PYROXD2: variants seen among roughly 807,000 people sequenced by gnomAD.
PYROXD2 encodes pyridine nucleotide-disulfide oxidoreductase domain-containing protein 2.
In PYROXD2, 69 loss-of-function variants were observed where a neutral mutation model predicts 71.1. The ratio of observed to expected loss-of-function variants is 0.97; its 90% CI spans 0.80 to 1.19. PYROXD2 has a LOEUF of 1.19. Ranked by LOEUF, PYROXD2 falls within the 50% of genes most tolerant of loss-of-function variation. PYROXD2 has a pLI of 0.00. For synonymous variants in PYROXD2, 287 were observed against 302.7 expected, an observed-to-expected ratio of 0.95 and a Z score of 0.54; for missense variants, 745 against 748.9, an observed-to-expected ratio of 0.99 and a Z score of 0.06.
rs767510202 is a variant in PYROXD2, at chr10:98,395,460, A to G, written c.626-8T>C. 1.9e-6 allele frequency: 3 copies of G among 1,613,794 alleles called. No homozygotes were observed. Among genetic ancestry groups the G allele is most frequent in the Non-Finnish European group, 2.5e-6 (3 of 1,179,674 alleles). On this transcript the variant is annotated splice_region_variant and splice_polypyrimidine_tract_variant and intron_variant, in intron 6 of 15. Coordinates refer to ENST00000370575, the MANE Select transcript of PYROXD2 (RefSeq NM_032709.3). ...GGGCTCCCAGGATGCGGCCTACAAG[A>G]GAAGATCCACAAAACAGAAGTTGAA...
intron 2 of PYROXD2, among the ~76,000 whole-genome samples, chr10:98,409,818 C>A (rs555927464): frequency 2.6e-5 from 4 of 152,306 alleles, no homozygotes; most frequent in South Asian, 4.2e-4. Flanking sequence ...TGGTTCACGC[C>A]TGTAATCTCA....
intron 6 of PYROXD2, among the ~76,000 whole-genome samples, chr10:98,395,985 G>A (rs1843158416): frequency 6.6e-6 from 1 of 152,154 alleles, no homozygotes; most frequent in Non-Finnish European, 1.5e-5. Flanking sequence ...CTTAGTGTCT[G>A]ACACATAGTA....
At chr10:98,413,185 G>C (rs1181834259) in intron 1 of PYROXD2, among the ~76,000 whole-genome samples, 1 of 152,050 alleles carries the variant, frequency 6.6e-6, no homozygotes, top group Non-Finnish European at 1.5e-5. Context: ...ACCTCATCTT[G>C]GTAACAGAAA....
chr10:98,395,241 T>A lies in PYROXD2; in HGVS notation c.740A>T (p.Asp247Val), dbSNP rs1843123609. 1 of 1,614,082 alleles carries A rather than the reference T, an allele frequency of 6.2e-7. No homozygotes were observed. The highest frequency in any genetic ancestry group is 1.3e-5 in the African/African-American group (1 of 74,924). The change falls in exon 8 of 16, where the codon GAT becomes GTT. Residue 247 changes from aspartate to valine, a missense_variant. Coordinates refer to ENST00000370575, the MANE Select transcript of PYROXD2 (RefSeq NM_032709.3). ...SEPLKATLAT[D>V]AVIGAMTSPH... The stretch of plus-strand genomic sequence containing the variant: ...ACTTGTCATGGCTCCAATCACTGCA[T>A]CTGTGGCTAGAGTGGCTTTTAAAGG...
At chr10:98,400,339 G>T in intron 4 of PYROXD2, 82 bp from the exon 5 acceptor site, 2 of 1,351,836 alleles carry the variant, frequency 1.5e-6, no homozygotes, top group South Asian at 1.4e-5. Flanking sequence ...GTGTTTGTGT[G>T]ACCATTTAGG....
At chr10:98,414,738 T>G (rs1302699854) in intron 1 of PYROXD2, 1 of 424,284 alleles carries the variant, frequency 2.4e-6, no homozygotes, top group Non-Finnish European at 4.2e-6. Flanking sequence ...TCACCTAGTC[T>G]TCCTGTCATT....
At chr10:98,398,614 A>G (rs908732699) in intron 5 of PYROXD2, among the ~76,000 whole-genome samples, 4 of 152,246 alleles carry the variant, frequency 2.6e-5, no homozygotes. Context: ...AGACAAAACC[A>G]GAAATCAAGC....
At chr10:98,390,887 A>AG in intron 11 of PYROXD2, 123 bp downstream of exon 11, 1 of 1,348,068 alleles carries the variant, frequency 7.4e-7, no homozygotes, top group Non-Finnish European at 1.1e-6. Flanking sequence ...ACCAGGCTGC[A>AG]GGGGGACACA....
At chr10:98,384,482 T>G (rs930890262) in intron 15 of PYROXD2, among the ~76,000 whole-genome samples, 1 of 152,084 alleles carries the variant, frequency 6.6e-6, no homozygotes, top group Non-Finnish European at 1.5e-5. Context: ...CCAGGCATGG[T>G]GGCACACACC....
chr10:98,384,394 G>C (rs1842684772), intron 15 of PYROXD2, among the ~76,000 whole-genome samples: 1 of 152,168 alleles, frequency 6.6e-6, no homozygotes, highest in Non-Finnish European at 1.5e-5. Flanking sequence ...GAGTGGAGAG[G>C]ATCACTTCAG....
intron 5 of PYROXD2, among the ~76,000 whole-genome samples, chr10:98,398,631 C>T (rs1387693750): frequency 6.6e-6 from 1 of 152,222 alleles, no homozygotes; most frequent in Admixed American, 6.5e-5. Flanking sequence ...AAGCTCCTCA[C>T]TTTCCACGAT....
At chr10:98,387,856 A>C in intron 13 of PYROXD2, 1 of 181,096 alleles carries the variant, frequency 5.5e-6, no homozygotes, top group Non-Finnish European at 1.2e-5. Flanking sequence ...CTGGTCTTGA[A>C]CTCCTGACCT....
intron 14 of PYROXD2, among the ~76,000 whole-genome samples, chr10:98,386,029 C>A (rs1233396117): frequency 6.6e-6 from 1 of 151,942 alleles, no homozygotes; most frequent in Non-Finnish European, 1.5e-5. Flanking sequence ...GCAATCCCAG[C>A]ACTTTGGGAG....
Position 98,383,578 on chromosome 10 carries a change from A to G in PYROXD2, c.*220T>C, listed in dbSNP as rs573850582. The G allele has an allele frequency of 3.3e-6, 2 of 598,288 alleles. No homozygotes were observed. Among genetic ancestry groups the G allele is most frequent in the Admixed American group, 3.0e-5 (1 of 33,390 alleles). The allele number at this position is 598,288 out of a possible 1,614,324, so 37.1% of individuals were successfully genotyped here. On this transcript the variant is annotated 3_prime_UTR_variant, in exon 16 of 16. Coordinates refer to ENST00000370575, the MANE Select transcript of PYROXD2 (RefSeq NM_032709.3). ...ATACAAGCAAAATAATCTGTATGAA[A>G]TATTAGTTTTAATAAAACAGAACCA...
intron 5 of PYROXD2, 22 bp from the exon 6 acceptor site, chr10:98,397,520 A>T: frequency 6.4e-7 from 1 of 1,570,014 alleles, no homozygotes. Context: ...CTCTGCATTA[A>T]GGCCCCACTG....
rs117575142 is a variant in PYROXD2 at position 98,412,794 on chromosome 10, G to A, written c.128-1836C>T. Among the ~76,000 whole-genome samples the A allele has an allele frequency of 4.9e-3, 742 of 152,204 alleles. 2 individuals are homozygous for A. The highest frequency in any genetic ancestry group is 8.0e-3 in the Non-Finnish European group (546 of 68,008). On this transcript the variant is annotated intron_variant, in intron 1 of 15. Coordinates refer to ENST00000370575, the MANE Select transcript of PYROXD2 (RefSeq NM_032709.3). The stretch of plus-strand genomic sequence containing the variant: ...CACTGAGACTCACTCGCACTTGTAG[G>A]CAAGTCACCAAGGCAGCTGGTGACC...
intron 6 of PYROXD2, 24 bp downstream of exon 6, chr10:98,397,321 C>T: frequency 6.4e-7 from 1 of 1,563,480 alleles, no homozygotes; most frequent in Non-Finnish European, 8.7e-7. Context: ...CTCATCATGC[C>T]CTGGTGCCTG....
chr10:98,398,245 G>A lies in PYROXD2; in HGVS notation c.472-747C>T, dbSNP rs529697227. On this transcript the variant is annotated intron_variant, in intron 5 of 15. Coordinates refer to ENST00000370575, the MANE Select transcript of PYROXD2 (RefSeq NM_032709.3). ...GACCTCTTTGCCTGTATTCTTTTCC[G>A]GTCTGTAGGTCGTCTCCCATGCCGT... 2.7e-4 allele frequency among the ~76,000 whole-genome samples: 41 copies of A among 152,142 alleles called. No homozygotes were observed. The South Asian group carries it at 4.4e-3, about 16-fold the overall frequency.
intron 10 of PYROXD2, 75 bp downstream of exon 10, chr10:98,392,357 C>T: frequency 1.3e-6 from 2 of 1,565,592 alleles, no homozygotes; most frequent in Non-Finnish European, 1.7e-6. Flanking sequence ...GCAATCCTGG[C>T]TCCCTCAATC....
Sources: gnomAD v4.1 joint callset for allele counts (sites outside exome capture counted in the v4.1 genomes callset) on GRCh38, gnomAD v4.1.1 for gene constraint, MANE v1.5 for transcripts, NCBI Gene and HGNC (gene_info 2026-07-23, HGNC 2026-07-21) for gene names.